The following DENND1A variants were observed in gnomAD, a reference collection of about 807,000 sequenced individuals.
The protein encoded by DENND1A is DENN domain-containing protein 1A.
A neutral mutation model predicts 113.7 loss-of-function variants in DENND1A; 51 were observed. That is an observed-to-expected ratio of 0.45 (90% confidence interval 0.36 to 0.57). The LOEUF (loss-of-function observed/expected upper bound fraction) is 0.57. DENND1A is among the 20% of genes least tolerant of loss of function. DENND1A has a pLI of 0.00. For missense variants in DENND1A, 1,258 were observed against 1,395.9 expected (o/e 0.90, Z 1.57); for synonymous variants, 565 against 570.8 (o/e 0.99, Z 0.14).
intron 2 of DENND1A, among the ~76,000 whole-genome samples, chr9:123,851,142 A>G (rs188534187): frequency 1.2e-3 from 190 of 152,288 alleles, no homozygotes; most frequent in Non-Finnish European, 2.3e-3. Context: ...ATCAACCCCA[A>G]AAGTTTCTTT....
intron 5 of DENND1A, among the ~76,000 whole-genome samples, chr9:123,711,858 C>G (rs1409006692): frequency 6.6e-6 from 1 of 152,092 alleles, no homozygotes; most frequent in Admixed American, 6.5e-5. Flanking sequence ...TGTTCTTAAC[C>G]CTTATCACTA....
intron 21 of DENND1A, among the ~76,000 whole-genome samples, chr9:123,391,196 G>T (rs2042824745): frequency 6.6e-6 from 1 of 152,224 alleles, no homozygotes; most frequent in African/African-American, 2.4e-5. Context: ...TGGATGTACT[G>T]GCTGAGCCAG....
At chr9:123,671,132 C>G (rs1387687268) in intron 7 of DENND1A, among the ~76,000 whole-genome samples, 159 bp downstream of exon 7, 1 of 152,112 alleles carries the variant, frequency 6.6e-6, no homozygotes, top group African/African-American at 2.4e-5. Context: ...GGAAGAAATT[C>G]TACTCTCTGG....
At chr9:123,417,075 T>C (rs1009229535) in intron 19 of DENND1A, among the ~76,000 whole-genome samples, 1 of 152,242 alleles carries the variant, frequency 6.6e-6, no homozygotes, top group Non-Finnish European at 1.5e-5. Context: ...GGCGAGTTAT[T>C]TAATCTCTCT....
At chr9:123,682,657 C>T (rs1443278017) in intron 5 of DENND1A, among the ~76,000 whole-genome samples, 3 of 152,282 alleles carry the variant, frequency 2.0e-5, no homozygotes, top group African/African-American at 7.2e-5. Context: ...AGTCTGGTAA[C>T]CCCGAGTTTG....
At chr9:123,518,512 C>T (rs922662166) in intron 13 of DENND1A, among the ~76,000 whole-genome samples, 3 of 152,186 alleles carry the variant, frequency 2.0e-5, no homozygotes, top group African/African-American at 7.2e-5. Context: ...TCCTACTCCT[C>T]CCTACTCTGG....
At chr9:123,639,411 C>A (rs1589462546) in intron 9 of DENND1A, among the ~76,000 whole-genome samples, 1 of 148,222 alleles carries the variant, frequency 6.7e-6, no homozygotes, top group Admixed American at 6.8e-5. Context: ...TATACTCCAG[C>A]CTGGGCAACA....
intron 12 of DENND1A, among the ~76,000 whole-genome samples, chr9:123,562,776 C>T (rs1044629181): frequency 6.6e-6 from 1 of 151,864 alleles, no homozygotes; most frequent in Admixed American, 6.6e-5. Flanking sequence ...TCCAGATGTC[C>T]CCCCATCTGT....
intron 5 of DENND1A, among the ~76,000 whole-genome samples, chr9:123,727,812 G>T (rs1427935482): frequency 6.6e-6 from 1 of 152,006 alleles, no homozygotes; most frequent in African/African-American, 2.4e-5. Context: ...AGAAATCAAA[G>T]AATCCCTAAA....
intron 2 of DENND1A, among the ~76,000 whole-genome samples, chr9:123,854,342 T>C (rs1031356903): frequency 2.0e-5 from 3 of 152,104 alleles, no homozygotes; most frequent in African/African-American, 7.2e-5. Context: ...ATGTTTAATA[T>C]TTTGTCTCAG....
intron 2 of DENND1A, among the ~76,000 whole-genome samples, chr9:123,820,541 A>C (rs1227088319): frequency 2.0e-5 from 3 of 152,136 alleles, no homozygotes; most frequent in African/African-American, 7.2e-5. Context: ...CTGCTGAATG[A>C]CTGACCCCAG....
intron 21 of DENND1A, chr9:123,402,507 C>T (rs747819915): frequency 1.9e-6 from 1 of 534,830 alleles, no homozygotes; most frequent in South Asian, 1.4e-5. Flanking sequence ...GCCAGACAGA[C>T]ATGGGGGCCT....
intron 10 of DENND1A, among the ~76,000 whole-genome samples, chr9:123,615,062 G>T (rs1483616818): frequency 6.6e-6 from 1 of 152,238 alleles, no homozygotes; most frequent in Non-Finnish European, 1.5e-5. Context: ...GAATGCGAAT[G>T]ATCATGGTTT....
intron 13 of DENND1A, among the ~76,000 whole-genome samples, chr9:123,551,526 G>C (rs1195903667): frequency 1.3e-5 from 2 of 152,190 alleles, no homozygotes; most frequent in Non-Finnish European, 2.9e-5. Context: ...TGGCTCTGCT[G>C]CTTCCTAGGA....
intron 5 of DENND1A, among the ~76,000 whole-genome samples, chr9:123,731,043 T>G (rs1007574635): frequency 2.0e-5 from 3 of 151,688 alleles, no homozygotes; most frequent in Admixed American, 6.6e-5. Context: ...CACTCATAAG[T>G]GGGGGTTGAA....
intron 13 of DENND1A, among the ~76,000 whole-genome samples, chr9:123,461,672 G>A (rs1266175428): frequency 6.6e-6 from 1 of 152,220 alleles, no homozygotes; most frequent in Non-Finnish European, 1.5e-5. Context: ...TTAGCTGCAG[G>A]AGAGCAGAAA....
chr9:123,926,251 G>C (rs774545401), intron 1 of DENND1A, among the ~76,000 whole-genome samples: 1 of 152,118 alleles, frequency 6.6e-6, no homozygotes, highest in Non-Finnish European at 1.5e-5. Flanking sequence ...TTTGAGGCAA[G>C]ACAATGTTCC....
At chr9:123,452,183 G>T in intron 17 of DENND1A, 93 bp downstream of exon 17, 1 of 1,230,684 alleles carries the variant, frequency 8.1e-7, no homozygotes, top group Non-Finnish European at 1.2e-6. Flanking sequence ...AACAGAGCAA[G>T]ACCCAGTTTC....
intron 13 of DENND1A, among the ~76,000 whole-genome samples, chr9:123,536,242 G>A (rs1053759314): frequency 6.6e-6 from 1 of 152,146 alleles, no homozygotes; most frequent in African/African-American, 2.4e-5. Flanking sequence ...GGCCGAGGCA[G>A]GTGGCTCACT....
Sources: gnomAD v4.1 joint callset for allele counts (sites outside exome capture counted in the v4.1 genomes callset) on GRCh38, gnomAD v4.1.1 for gene constraint, MANE v1.5 for transcripts, NCBI Gene and HGNC (gene_info 2026-07-23, HGNC 2026-07-21) for gene names.